Variants in AHNAK2 observed in about 807,000 individuals in gnomAD.
AHNAK2 encodes protein AHNAK2.
Under a neutral mutation model 30.7 loss-of-function variants are expected in AHNAK2, and 18 were observed. The observed-to-expected ratio is 0.59, with a 90% CI of 0.41 to 0.87. The LOEUF (loss-of-function observed/expected upper bound fraction) is 0.87, where lower values mean the gene tolerates loss of function less well. Ranked by LOEUF, AHNAK2 falls within the 40% of genes least tolerant of loss-of-function variation. AHNAK2 has a pLI of 0.00. For synonymous variants in AHNAK2, 3,590 were observed against 3,073.8 expected (o/e 1.17, Z -5.56); for missense variants, 8,604 against 7,373.0 (o/e 1.17, Z -6.11).
intron 1 of AHNAK2, among the ~76,000 whole-genome samples, chr14:104,961,435 A>C (rs1204148633): frequency 1.3e-5 from 2 of 150,352 alleles, no homozygotes; most frequent in East Asian, 4.0e-4. Flanking sequence ...AATGGCGTGA[A>C]CCCCGGGGGG....
rs1898432524 is a variant in AHNAK2 at position 104,948,422 on chromosome 14, C to T, written c.7029G>A (p.Val2343=). ...LGKSIEASAD[V]SALKVEADVS... ...CGTCGGCCTCCACCTTCAACGCAGA[C>T]ACATCCGCTGAGGCCTCGATGGACT... The change falls in exon 7 of 7, where the codon GTG becomes GTA. Residue 2343 remains valine (V), a synonymous_variant. Transcript: ENST00000333244. 1 of 1,611,516 alleles carries T rather than the reference C, an allele frequency of 6.2e-7. No individual in the cohort carries two copies. Among genetic ancestry groups the T allele is most frequent in the South Asian group, 1.1e-5 (1 of 91,036 alleles).
intron 1 of AHNAK2, among the ~76,000 whole-genome samples, chr14:104,959,113 TTG>T (rs1252638878): frequency 6.6e-6 from 1 of 152,210 alleles, no homozygotes; most frequent in Non-Finnish European, 1.5e-5. Flanking sequence ...AGTGCGAGGA[TTG>T]CTTGAGCCCA....
rs757038774 is a variant in AHNAK2, at chr14:104,947,902, C to G, written c.7549G>C (p.Gly2517Arg). 3.7e-6 allele frequency: 6 copies of G among 1,612,000 alleles called. No homozygotes were observed. The Middle Eastern group carries it at 4.9e-4, about 133-fold the overall frequency. ...TCCCCCTGCATGGAGGAGAGGCTCC[C>G]GTCGGCCTCCACCTTCGGCGCAGAC... ...DVSAPKVEADGSLSSMQGDLK... is the reference protein window; with the variant it reads ...DVSAPKVEADRSLSSMQGDLK... Residue 2517 changes from glycine (G) to arginine (R), a missense_variant, in exon 7 of 7, where the codon GGG (glycine) becomes CGG (arginine). Gly to Arg is a moderately radical substitution (Grantham distance 125, BLOSUM62 -2). Transcript: ENST00000333244.
Position 104,951,532 on chromosome 14 carries a change from C to T in AHNAK2, c.3919G>A (p.Gly1307Ser), listed in dbSNP as rs772348679. ...GACAGGTCCCCGTCCAGCTGTGCGC[C>T]ATCCAACTTGGCTCCCGGGGCCTGC... is the stretch of plus-strand genomic sequence containing the variant. ...DMQAPGAKLD[G>S]AQLDGDLSLA... The change falls in exon 7 of 7, where the codon GGC (glycine) becomes AGC (serine). Residue 1307 changes from glycine to serine, a missense_variant. Transcript: ENST00000333244. The T allele has an allele frequency of 7.2e-6, 9 of 1,247,538 alleles. 1 individual carries two copies. The African/African-American group carries it at 8.5e-5, about 12-fold the overall frequency. 77.3% of individuals were successfully genotyped at this position (1,247,538 alleles called of 1,614,324 possible). A position where few individuals can be genotyped will look rare whatever the true frequency, so the allele number is the denominator to read the frequency against.
chr14:104,939,923 T>C lies in AHNAK2; in HGVS notation c.15528A>G (p.Pro5176=). 5.0e-6 allele frequency: 8 copies of C among 1,612,634 alleles called. No individual in the cohort carries two copies. The highest frequency in any genetic ancestry group is 6.8e-6 in the Non-Finnish European group (8 of 1,179,898). The change falls in exon 7 of 7, where the codon CCA becomes CCG. Residue 5176 remains proline, a synonymous_variant. Coordinates refer to ENST00000333244, the MANE Select transcript of AHNAK2 (RefSeq NM_138420.4). ...AGTACTTGGTCATGGCTTCCTCCTC[T>C]GGGCTTTCCACTGTGAGGACTTCAG... The part of the protein sequence containing the change: ...PDAEVLTVES[P]EEEAMTKYSQ...
rs374843155 is a variant in AHNAK2 at position 104,948,746 on chromosome 14, G to A, written c.6705C>T (p.His2235=). ...AACTGGGCATCTGCAGCTTGGGCAGGTGCCCTTTGAGGCCGACTTCCTCGG... is the reference window on the plus strand; with the variant it reads ...AACTGGGCATCTGCAGCTTGGGCAGATGCCCTTTGAGGCCGACTTCCTCGG... The part of the protein sequence containing the change: ...PVPEEVGLKG[H]LPKLQMPSFK... Residue 2235 remains histidine (H), a synonymous_variant, in exon 7 of 7, where the codon CAC becomes CAT. Transcript: ENST00000333244. 3 of 1,611,858 alleles carry A rather than the reference G, an allele frequency of 1.9e-6. No individual in the cohort carries two copies. Among genetic ancestry groups the A allele is most frequent in the Non-Finnish European group, 2.5e-6 (3 of 1,179,560 alleles).
chr14:104,953,743 C>T lies in AHNAK2; in HGVS notation c.1708G>A (p.Asp570Asn), dbSNP rs562076746. The T allele has an allele frequency of 1.5e-5, 24 of 1,613,824 alleles. No individual in the cohort carries two copies. The highest frequency in any genetic ancestry group is 5.0e-5 in the Admixed American group (3 of 59,996). The stretch of plus-strand genomic sequence containing the variant: ...CCTTCTGTGTCTTCCCTGCCCTTGT[C>T]CTGTTCCTCAGTGATCCTTGTCCTC... ...LQRTRITEEQ[D>N]KGREDTEGQI... is the part of the protein sequence containing the mutation. The change falls in exon 7 of 7, where the codon GAC becomes AAC. Residue 570 changes from aspartate to asparagine, a missense_variant. Asp to Asn is a conservative substitution (Grantham distance 23, BLOSUM62 1). Coordinates refer to ENST00000333244, the MANE Select transcript of AHNAK2 (RefSeq NM_138420.4).
At chr14:104,955,220 G>A in intron 5 of AHNAK2, 79 bp from the exon 6 acceptor site, 4 of 1,480,386 alleles carry the variant, frequency 2.7e-6, no homozygotes, top group Non-Finnish European at 3.6e-6. Flanking sequence ...CTGGCGAGGA[G>A]GGTCCCGGGG....
chr14:104,967,791 G>A lies in AHNAK2; in HGVS notation c.56-10119C>T, dbSNP rs529584311. Among the ~76,000 whole-genome samples the A allele has an allele frequency of 2.0e-5, 3 of 152,356 alleles. No individual in the cohort carries two copies. The South Asian group carries it at 6.2e-4, about 32-fold the overall frequency. ...GGAAATCCTGCCCGCCTCGGGATAA[G>A]GCTGCGCAGCCAGGCTACCGGCCTC... On this transcript the variant is annotated intron_variant, in intron 1 of 6. Transcript: ENST00000333244.
At chr14:104,956,471 A>C in intron 4 of AHNAK2, 117 bp downstream of exon 4, 1 of 1,009,264 alleles carries the variant, frequency 9.9e-7, no homozygotes, top group Non-Finnish European at 1.5e-6. Flanking sequence ...TCCCCAGGGC[A>C]CGGGGCACAC....
chr14:104,970,296 G>A (rs1461404886), intron 1 of AHNAK2, among the ~76,000 whole-genome samples: 4 of 152,098 alleles, frequency 2.6e-5, no homozygotes, highest in African/African-American at 4.8e-5. Context: ...CTGGAGCCAC[G>A]GTGAACTAAC....
rs1378319620 is a variant in AHNAK2, at chr14:104,947,015, C to T, written c.8436G>A (p.Lys2812=). 1 of 1,612,632 alleles carries T rather than the reference C, an allele frequency of 6.2e-7. No individual in the cohort carries two copies. The highest frequency in any genetic ancestry group is 1.7e-5 in the Admixed American group (1 of 59,884). Residue 2812 remains lysine, a synonymous_variant, in exon 7 of 7, where the codon AAG becomes AAA. Coordinates refer to ENST00000333244, the MANE Select transcript of AHNAK2 (RefSeq NM_138420.4). ...GCATCTTGAACTTGGGCATTTTGAA[C>T]TTGCTGTCTTTGGCTGTCATGCCCT... is the stretch of plus-strand genomic sequence containing the variant. ...ADKGMTAKDS[K]FKMPKFKMPS...
rs374220143 is a variant in AHNAK2, at chr14:104,951,303, G to C, written c.4148C>G (p.Thr1383Ser). The C allele has an allele frequency of 1.9e-5, 20 of 1,062,132 alleles. 8 individuals are homozygous for C. The African/African-American group carries it at 2.3e-4, about 12-fold the overall frequency. 65.8% of individuals were successfully genotyped at this position (1,062,132 alleles called of 1,614,324 possible). A position where few individuals can be genotyped will look rare whatever the true frequency, so the allele number is the denominator to read the frequency against. The change falls in exon 7 of 7, where the codon ACT becomes AGT. Residue 1383 changes from threonine to serine, a missense_variant. Transcript: ENST00000333244. ...TTGGCCAGCCTGGAGCTCCAGGTCAGTGGAAGGGGGCTGAATGCTGAGGTC... is the reference window on the plus strand; with the variant it reads ...TTGGCCAGCCTGGAGCTCCAGGTCACTGGAAGGGGGCTGAATGCTGAGGTC... ...TTDLSIQPPSTDLELQAGQLD... is the reference protein window; with the variant it reads ...TTDLSIQPPSSDLELQAGQLD...
In AHNAK2 at chr14:104,948,602, G is replaced by A. The variant is rs143159908; in HGVS notation, c.6849C>T (p.Ser2283=). 46 of 1,612,400 alleles carry A rather than the reference G, an allele frequency of 2.9e-5. No homozygotes were observed. In the Admixed American group the frequency reaches 5.0e-4, roughly 18 times the overall value. Residue 2283 remains serine (S), a synonymous_variant, in exon 7 of 7, where the codon AGC becomes AGT. Transcript: ENST00000333244. ...CTGGGGCCTTGACGTCCACCTCCAC[G>A]CTGGGCAGAGACACCTCCACATCAG... ...TAPDVEVSLP[S]VEVDVKAPGA...
rs543055033 is a variant in AHNAK2, at chr14:104,949,696, C to T, written c.5755G>A (p.Val1919Met). 3 of 1,587,138 alleles carry T rather than the reference C, an allele frequency of 1.9e-6. No individual in the cohort carries two copies. In the African/African-American group the frequency reaches 4.1e-5, roughly 22 times the overall value. ...VDMPSFKMPK[V>M]DLKGPQTDVK... ...TCTGTCTGGGGGCCCTTGAGGTCCA[C>T]TTTGGGCATCTTGAAACTGGGCATA... The change falls in exon 7 of 7, where the codon GTG becomes ATG. Residue 1919 changes from valine (V) to methionine (M), a missense_variant. Transcript: ENST00000333244.
At chr14:104,955,716 G>A (rs1444588799) in intron 4 of AHNAK2, 83 bp from the exon 5 acceptor site, 2 of 1,515,640 alleles carry the variant, frequency 1.3e-6, no homozygotes, top group African/African-American at 2.8e-5. Flanking sequence ...TGTCTCCAGA[G>A]GATGGGCACC....
intron 1 of AHNAK2, among the ~76,000 whole-genome samples, chr14:104,964,028 G>T (rs1899230254): frequency 6.6e-6 from 1 of 152,104 alleles, no homozygotes; most frequent in Non-Finnish European, 1.5e-5. Context: ...CAAAGGAAAT[G>T]AAATCGATAA....
rs1314925410 is a variant in AHNAK2, at chr14:104,953,421, A to G, written c.2030T>C (p.Met677Thr). Reference sequence around the variant, plus strand: ...GAACAATGGCATCTTGAACTTGGGCATTTTGAACTTGCTGTCTTTGGTGGC... The same window carrying G: ...GAACAATGGCATCTTGAACTTGGGCGTTTTGAACTTGCTGTCTTTGGTGGC... Reference protein sequence around the residue: ...EVATKDSKFKMPKFKMPLFGA... With the variant: ...EVATKDSKFKTPKFKMPLFGA... Residue 677 changes from methionine to threonine, a missense_variant, in exon 7 of 7, where the codon ATG becomes ACG. Transcript: ENST00000333244. The G allele has an allele frequency of 1.2e-6, 2 of 1,613,980 alleles. No homozygotes were observed. Among genetic ancestry groups the G allele is most frequent in the Non-Finnish European group, 1.7e-6 (2 of 1,179,890 alleles).
chr14:104,973,692 G>A (rs1466334128), intron 1 of AHNAK2, among the ~76,000 whole-genome samples: 3 of 152,190 alleles, frequency 2.0e-5, no homozygotes, highest in Non-Finnish European at 4.4e-5. Flanking sequence ...TGTGGCTTGA[G>A]ATCCCTTTCC....
Sources: gnomAD v4.1 joint callset for allele counts (sites outside exome capture counted in the v4.1 genomes callset) on GRCh38, gnomAD v4.1.1 for gene constraint, MANE v1.5 for transcripts, NCBI Gene and HGNC (gene_info 2026-07-23, HGNC 2026-07-21) for gene names.